The following XPO1 variants were observed in gnomAD, a reference collection of about 807,000 sequenced individuals.
XPO1 encodes the protein exportin-1.
Under a neutral mutation model 133.3 loss-of-function variants are expected in XPO1, and 5 were observed. That is an observed-to-expected ratio of 0.04 (90% CI 0.02 to 0.08). XPO1 has a LOEUF of 0.08. XPO1 is among the 10% of genes least tolerant of loss of function. The probability of loss-of-function intolerance (pLI) is 1.00; values close to 1 mark genes in which losing one functional copy is unlikely to be tolerated. For missense variants in XPO1, 506 were observed against 1,267.5 expected (o/e 0.40, Z 9.12); for synonymous variants, 419 against 408.2 (o/e 1.03, Z -0.32).
chr2:61,483,715 A>T, intron 21 of XPO1: 3 of 479,502 alleles, frequency 6.3e-6, no homozygotes, highest in Non-Finnish European at 1.1e-5. Context: ...ACGCAAACCA[A>T]TTATTACTAG....
intron 2 of XPO1, among the ~76,000 whole-genome samples, chr2:61,528,505 C>A (rs1433726692): frequency 6.6e-6 from 1 of 151,434 alleles, no homozygotes; most frequent in African/African-American, 2.4e-5. Context: ...TGGTGGCGTG[C>A]GCCTATAGTC....
At chr2:61,526,592 T>G in intron 2 of XPO1, 71 bp from the exon 3 acceptor site, 1 of 1,216,140 alleles carries the variant, frequency 8.2e-7, no homozygotes, top group Non-Finnish European at 1.1e-6. Flanking sequence ...AAATGAAAAC[T>G]ACTGAGCAAG....
intron 3 of XPO1, chr2:61,525,398 A>C: frequency 3.0e-6 from 3 of 993,342 alleles, no homozygotes; most frequent in Non-Finnish European, 3.6e-6. Flanking sequence ...ACATCTTTAA[A>C]GAAAAAAAAA....
chr2:61,495,217 TATA>T (rs1381716253), intron 11 of XPO1, among the ~76,000 whole-genome samples: 4 of 152,158 alleles, frequency 2.6e-5, no homozygotes, highest in African/African-American at 9.7e-5. Context: ...TTAGAAATGA[TATA>T]ATAATTAGTA....
rs572558399 is a variant in XPO1, at chr2:61,481,400, C to G, written c.2973-119G>C. 147 of 522,734 alleles carry G rather than the reference C, an allele frequency of 2.8e-4. No homozygotes were observed. In the African/African-American group the frequency reaches 2.9e-3, roughly 10 times the overall value. 32.4% of individuals were successfully genotyped at this position (522,734 alleles called of 1,614,324 possible). On this transcript the variant is annotated intron_variant, in intron 23 of 24. Transcript: ENST00000401558. ...CTCTGCTCACTGTAATCTCTGCCTC[C>G]CGGGTTCAAGACATTCTCCTGCCTC...
chr2:61,528,427 G>A (rs1458393642), intron 2 of XPO1, among the ~76,000 whole-genome samples: 1 of 152,006 alleles, frequency 6.6e-6, no homozygotes, highest in Non-Finnish European at 1.5e-5. Flanking sequence ...AAGGTCAGGA[G>A]TTCAAGACCA....
At chr2:61,481,948 G>A (rs899594950) in intron 23 of XPO1, among the ~76,000 whole-genome samples, 5 of 150,018 alleles carry the variant, frequency 3.3e-5, no homozygotes, top group Admixed American at 2.7e-4. Context: ...TCTTGGCCAG[G>A]CTGGTCTTGA....
At chr2:61,493,801 G>C (rs921214087) in intron 12 of XPO1, 93 bp downstream of exon 12, 12 of 1,339,290 alleles carry the variant, frequency 9.0e-6, no homozygotes, top group African/African-American at 1.5e-5. Context: ...TCTTTTTATA[G>C]CTAATTTATT....
intron 3 of XPO1, chr2:61,525,412 T>G: frequency 1.0e-6 from 1 of 995,858 alleles, no homozygotes; most frequent in African/African-American, 1.7e-5. Flanking sequence ...AAAAAAATGA[T>G]TGCATAAAAG....
chr2:61,487,458 T>C (rs1452459992), intron 19 of XPO1, among the ~76,000 whole-genome samples: 1 of 152,080 alleles, frequency 6.6e-6, no homozygotes, highest in Non-Finnish European at 1.5e-5. Context: ...TCAGAACAAG[T>C]TTACTGAAAA....
At chr2:61,481,515 A>G (rs1470461149) in intron 23 of XPO1, among the ~76,000 whole-genome samples, 1 of 151,988 alleles carries the variant, frequency 6.6e-6, no homozygotes, top group Non-Finnish European at 1.5e-5. Context: ...TTGGAGTACA[A>G]TCGCACAATC....
intron 4 of XPO1, among the ~76,000 whole-genome samples, chr2:61,506,237 A>G (rs951808766): frequency 6.6e-6 from 1 of 152,092 alleles, no homozygotes; most frequent in Non-Finnish European, 1.5e-5. Flanking sequence ...CCTGGCCAAC[A>G]TGGTGAAACC....
chr2:61,483,776 TG>T, intron 21 of XPO1, 160 bp downstream of exon 21: 2 of 736,638 alleles, frequency 2.7e-6, no homozygotes, highest in East Asian at 2.9e-5. Context: ...TGGAGTGGAG[TG>T]GAACAGTTGA....
In XPO1 at chr2:61,478,710, T is replaced by C; in HGVS notation, c.*110A>G. 1 of 1,132,676 alleles carries C rather than the reference T, an allele frequency of 8.8e-7. No individual in the cohort carries two copies. 70.2% of individuals were successfully genotyped at this position (1,132,676 alleles called of 1,614,324 possible). A position where few individuals can be genotyped will look rare whatever the true frequency, so the allele number is the denominator to read the frequency against. Reference sequence around the variant, plus strand: ...AAAAACACATAAGAAAAAGGGCCACTAGGTGACATTTTAATTTACAAATTG... The same window carrying C: ...AAAAACACATAAGAAAAAGGGCCACCAGGTGACATTTTAATTTACAAATTG... On this transcript the variant is annotated 3_prime_UTR_variant, in exon 25 of 25. Transcript: ENST00000401558.
intron 6 of XPO1, among the ~76,000 whole-genome samples, chr2:61,500,578 C>CAAAAAAA (rs56213841): frequency 0.039 from 1,582 of 40,246 alleles, 181 homozygotes; most frequent in African/African-American, 0.069. Flanking sequence ...GACTCCATCT[C>CAAAAAAA]AAAAAAAAAA....
At position 61,496,925 on chromosome 2, in the gene XPO1, T is replaced by G; in HGVS notation, c.842A>C (p.Glu281Ala). 1 of 1,612,658 alleles carries G rather than the reference T, an allele frequency of 6.2e-7. No individual in the cohort carries two copies. The highest frequency in any genetic ancestry group is 8.5e-7 in the Non-Finnish European group (1 of 1,179,616). Reference protein sequence around the residue: ...IAGVSVSQYEEQFVTLFTLTM... With the variant: ...IAGVSVSQYEAQFVTLFTLTM... ...CAGAGTAAATAGTGTTACAAATTGTTCTTCATATTGGCTTACACTCACACC... is the reference window on the plus strand; with the variant it reads ...CAGAGTAAATAGTGTTACAAATTGTGCTTCATATTGGCTTACACTCACACC... The change falls in exon 10 of 25, where the codon GAA becomes GCA. Residue 281 changes from glutamate (E) to alanine (A), a missense_variant. Physicochemically the swap from Glu to Ala is moderately radical, Grantham distance 107. This residue lies in a region of XPO1 where 134 missense variants were observed against 261.6 expected (regional missense o/e 0.51). Coordinates refer to ENST00000401558, the MANE Select transcript of XPO1 (RefSeq NM_003400.4).
chr2:61,504,639 G>A (rs968440062), intron 4 of XPO1, among the ~76,000 whole-genome samples: 7 of 152,060 alleles, frequency 4.6e-5, no homozygotes, highest in East Asian at 1.9e-4. Context: ...TGAAATTTTC[G>A]TTGAAAAGAA....
chr2:61,526,606 C>A (rs968244361), intron 2 of XPO1, 85 bp from the exon 3 acceptor site: 1 of 989,830 alleles, frequency 1.0e-6, no homozygotes, highest in Non-Finnish European at 1.4e-6. Flanking sequence ...GAGCAAGGCA[C>A]AAATTCTAAT....
rs565955841 is a variant in XPO1 at position 61,531,035 on chromosome 2, A to C, written c.126+2737T>G. 7.7e-4 allele frequency among the ~76,000 whole-genome samples: 117 copies of C among 152,262 alleles called. 1 individual carries two copies. Among genetic ancestry groups the C allele is most frequent in the African/African-American group, 2.6e-3 (110 of 41,540 alleles). ...TGGGACTTAAGCAATGACTAGAGAG[A>C]GCTTCCAAGAATCAAATTAAGACGT... On this transcript the variant is annotated intron_variant, in intron 2 of 24. Coordinates refer to ENST00000401558, the MANE Select transcript of XPO1 (RefSeq NM_003400.4).
Sources: gnomAD v4.1 joint callset for allele counts (sites outside exome capture counted in the v4.1 genomes callset) on GRCh38, gnomAD v4.1.1 for gene constraint, gnomAD v4.1.1 regional missense constraint, MANE v1.5 for transcripts, NCBI Gene and HGNC (gene_info 2026-07-23, HGNC 2026-07-21) for gene names.